CCDC30: variants seen among roughly 807,000 people sequenced by gnomAD.
CCDC30 encodes the protein coiled-coil domain containing 30.
CCDC30 carries 70 observed loss-of-function variants against 100.2 expected under a neutral mutation model. That is an observed-to-expected ratio of 0.70 (90% CI 0.58 to 0.85). CCDC30 has a LOEUF of 0.85. Among genes scored for constraint, CCDC30 ranks in the 40% least tolerant of loss-of-function variants. The pLI is 0.00. For missense variants in CCDC30, 652 were observed against 771.2 expected, an observed-to-expected ratio of 0.85 and a Z score of 1.83; for synonymous variants, 233 against 269.5, an observed-to-expected ratio of 0.86 and a Z score of 1.33.
At chr1:42,492,742 G>T (rs1245542295) in intron 4 of CCDC30, among the ~76,000 whole-genome samples, 1 of 152,042 alleles carries the variant, frequency 6.6e-6, no homozygotes. Context: ...CTACCTCCTA[G>T]GTTCAAGCAA....
intron 11 of CCDC30, among the ~76,000 whole-genome samples, chr1:42,615,832 T>G (rs1189577819): frequency 2.0e-5 from 3 of 152,220 alleles, no homozygotes; most frequent in Non-Finnish European, 4.4e-5. Context: ...TGTGTCTGAC[T>G]TCTTTTGTTC....
chr1:42,619,608 T>C, intron 11 of CCDC30, among the ~76,000 whole-genome samples: 1 of 143,378 alleles, frequency 7.0e-6, no homozygotes, highest in East Asian at 1.9e-4. Context: ...CTAGCAAAGG[T>C]GGTCTTGTTA....
Position 42,556,422 on chromosome 1 carries a change from C to T in CCDC30, c.457-9874C>T, listed in dbSNP as rs369450988. ...GGTGCCCAGGTAGGTGCTATAAACA[C>T]ATGCCCTGACTGGGTTCGTTTCCTC... On this transcript the variant is annotated intron_variant, in intron 6 of 16. Coordinates refer to ENST00000668663, the Ensembl canonical transcript of CCDC30. The T allele has an allele frequency of 1.3e-6, 2 of 1,576,270 alleles. No homozygotes were observed. The highest frequency in any genetic ancestry group is 1.4e-5 in the African/African-American group (1 of 73,390).
intron 10 of CCDC30, among the ~76,000 whole-genome samples, chr1:42,598,829 G>A (rs540720810): frequency 6.6e-6 from 1 of 152,092 alleles, no homozygotes; most frequent in African/African-American, 2.4e-5. Context: ...GGGAGGCCAA[G>A]ACAGGAGGAT....
chr1:42,565,244 A>G (rs192340900), intron 6 of CCDC30, among the ~76,000 whole-genome samples: 5 of 152,320 alleles, frequency 3.3e-5, no homozygotes, highest in Admixed American at 3.3e-4. Context: ...AACAGAGTAA[A>G]AAGACAACCT....
intron 11 of CCDC30, among the ~76,000 whole-genome samples, chr1:42,616,872 T>A (rs1646736341): frequency 6.6e-6 from 1 of 152,132 alleles, no homozygotes; most frequent in Non-Finnish European, 1.5e-5. Flanking sequence ...ATCCTAAATA[T>A]CAAATAATAG....
At chr1:42,539,066 A>G (rs1644962906) in intron 6 of CCDC30, 107 bp from the exon 8 acceptor site, 1 of 921,126 alleles carries the variant, frequency 1.1e-6, no homozygotes, top group Admixed American at 3.6e-5. Flanking sequence ...ATTTAAAACA[A>G]AAAATTTGTC....
At chr1:42,500,534 T>C (rs1644296148) in intron 6 of CCDC30, among the ~76,000 whole-genome samples, 2 of 151,848 alleles carry the variant, frequency 1.3e-5, no homozygotes, top group African/African-American at 4.8e-5. Flanking sequence ...TTGCCTCAGC[T>C]TCCCGAGTAG....
chr1:42,552,794 T>C (rs1223758821), intron 6 of CCDC30, among the ~76,000 whole-genome samples: 1 of 152,042 alleles, frequency 6.6e-6, no homozygotes, highest in African/African-American at 2.4e-5. Flanking sequence ...GGGTGGCTTA[T>C]TGTGCTAGGT....
chr1:42,626,579 T>C (rs1304371795), intron 11 of CCDC30, among the ~76,000 whole-genome samples: 1 of 152,180 alleles, frequency 6.6e-6, no homozygotes, highest in East Asian at 1.9e-4. Flanking sequence ...CTGATATGAG[T>C]TCACTGTGTC....
At chr1:42,482,536 C>CA (rs1342405431) in intron 2 of CCDC30, 127 bp from the exon 3 acceptor site, 1 of 500,110 alleles carries the variant, frequency 2.0e-6, no homozygotes, top group African/African-American at 2.1e-5. Flanking sequence ...CACACTCACA[C>CA]ACACAAAGAA....
intron 8 of CCDC30, among the ~76,000 whole-genome samples, chr1:42,578,474 T>A (rs1029812839): frequency 6.6e-6 from 1 of 152,214 alleles, no homozygotes; most frequent in Non-Finnish European, 1.5e-5. Context: ...ACTTAAGACA[T>A]GTATGTTATT....
chr1:42,628,124 A>C (rs1178244357), intron 11 of CCDC30, among the ~76,000 whole-genome samples: 1 of 152,210 alleles, frequency 6.6e-6, no homozygotes, highest in Non-Finnish European at 1.5e-5. Context: ...CACTTTTTGC[A>C]TCAGTGTGAC....
chr1:42,546,856 A>G, intron 6 of CCDC30, among the ~76,000 whole-genome samples: 1 of 152,182 alleles, frequency 6.6e-6, no homozygotes, highest in East Asian at 1.9e-4. Context: ...AATAGTTGCA[A>G]TCAAATTTTG....
intron 2 of CCDC30, among the ~76,000 whole-genome samples, chr1:42,481,985 C>G (rs1488686129): frequency 3.3e-5 from 5 of 151,936 alleles, no homozygotes; most frequent in African/African-American, 1.2e-4. Context: ...TTGGAAGGCC[C>G]AGGTGGGTGG....
At chr1:42,483,012 C>A (rs909009786) in intron 3 of CCDC30, 196 bp downstream of exon 3, 1 of 377,334 alleles carries the variant, frequency 2.7e-6, no homozygotes, top group Non-Finnish European at 4.6e-6. Flanking sequence ...CAAAAGTGCA[C>A]AACTTGTAAG....
At chr1:42,516,280 C>T (rs1426581350) in intron 6 of CCDC30, among the ~76,000 whole-genome samples, 1 of 151,928 alleles carries the variant, frequency 6.6e-6, no homozygotes, top group African/African-American at 2.4e-5. Flanking sequence ...ATGGCTTGTC[C>T]CTGCCAAAAC....
intron 6 of CCDC30, among the ~76,000 whole-genome samples, chr1:42,512,009 ATT>A (rs1186236343): frequency 6.6e-6 from 1 of 152,198 alleles, no homozygotes; most frequent in African/African-American, 2.4e-5. Flanking sequence ...AGTGATAAAC[ATT>A]GTTTCTATAG....
In CCDC30 at chr1:42,548,406, T is replaced by G. The variant is rs533607330; in HGVS notation, c.457-17890T>G. Among the ~76,000 whole-genome samples the G allele has an allele frequency of 2.6e-5, 4 of 152,198 alleles. No homozygotes were observed. In the East Asian group the frequency reaches 7.7e-4, roughly 29 times the overall value. ...CCATGTGAGTGCAGTGGAAAGACAA[T>G]GGGGTAAGAGAGTTGACCATTTTAT... On this transcript the variant is annotated intron_variant, in intron 6 of 16. Transcript: ENST00000668663.
Sources: allele counts gnomAD v4.1 joint callset (sites outside exome capture counted in the v4.1 genomes callset), GRCh38; gene constraint gnomAD v4.1.1; transcripts MANE v1.5; gene names NCBI Gene and HGNC (gene_info 2026-07-23, HGNC 2026-07-21).